Variants in MAP2 observed in about 807,000 individuals in gnomAD.
The protein encoded by MAP2 is microtubule-associated protein 2.
MAP2 carries 14 observed loss-of-function variants against 137.6 expected under a neutral mutation model. That is an observed-to-expected ratio of 0.10 (90% CI 0.07 to 0.16). The LOEUF is 0.16. MAP2 is among the 10% of genes least tolerant of loss of function. The pLI is 1.00. For missense variants in MAP2, 2,088 were observed against 2,191.5 expected, an observed-to-expected ratio of 0.95 and a Z score of 0.94; for synonymous variants, 786 against 782.3, an observed-to-expected ratio of 1.00 and a Z score of -0.08.
At chr2:209,475,969 C>G (rs1329841709) in intron 1 of MAP2, among the ~76,000 whole-genome samples, 1 of 152,046 alleles carries the variant, frequency 6.6e-6, no homozygotes, top group African/African-American at 2.4e-5. Flanking sequence ...TTCCATTTCT[C>G]TCTTTCAGAG....
At chr2:209,701,281 T>C (rs1033324537) in intron 11 of MAP2, among the ~76,000 whole-genome samples, 1 of 151,910 alleles carries the variant, frequency 6.6e-6, no homozygotes, top group Non-Finnish European at 1.5e-5. Context: ...CATATATTAT[T>C]ATTTTAAAAT....
At chr2:209,542,680 T>C (rs1423293657) in intron 2 of MAP2, among the ~76,000 whole-genome samples, 3 of 152,238 alleles carry the variant, frequency 2.0e-5, no homozygotes, top group African/African-American at 7.2e-5. Flanking sequence ...TTAACTTTTA[T>C]GTTATGAAGA....
chr2:209,589,338 A>G (rs2078628870), intron 3 of MAP2, among the ~76,000 whole-genome samples: 1 of 152,194 alleles, frequency 6.6e-6, no homozygotes, highest in African/African-American at 2.4e-5. Context: ...TACTCAAGTC[A>G]ATGCACTAGA....
At chr2:209,704,573 T>A in intron 11 of MAP2, 1 of 1,611,196 alleles carries the variant, frequency 6.2e-7, no homozygotes, top group Non-Finnish European at 8.5e-7. Flanking sequence ...ACAGCCCACC[T>A]CAGCAGGCTC....
At chr2:209,654,153 A>G (rs1191963393) in intron 5 of MAP2, among the ~76,000 whole-genome samples, 1 of 152,248 alleles carries the variant, frequency 6.6e-6, no homozygotes, top group Non-Finnish European at 1.5e-5. Flanking sequence ...ACAAGAATAC[A>G]ACAAGGTATT....
intron 1 of MAP2, among the ~76,000 whole-genome samples, chr2:209,435,972 TA>T (rs1559159303): frequency 7.9e-6 from 1 of 126,660 alleles, no homozygotes; most frequent in Non-Finnish European, 1.6e-5. Context: ...ATATTATATA[TA>T]ATATATACAG....
intron 8 of MAP2, 34 bp downstream of exon 8, chr2:209,696,384 A>G (rs2060188349): frequency 2.0e-6 from 3 of 1,522,500 alleles, no homozygotes; most frequent in South Asian, 2.7e-5. Flanking sequence ...TTTAACTCAA[A>G]CACAATAACC....
intron 13 of MAP2, chr2:209,723,617 T>C: frequency 6.2e-7 from 1 of 1,613,312 alleles, no homozygotes; most frequent in African/African-American, 1.3e-5. Flanking sequence ...AACAAGAAGA[T>C]CGATTTTAGC....
intron 2 of MAP2, among the ~76,000 whole-genome samples, chr2:209,555,115 A>G (rs113354208): frequency 0.02 from 2,989 of 152,100 alleles, 94 homozygotes; most frequent in African/African-American, 0.068. Context: ...CATACAGAAG[A>G]TAGCAAAAGG....
chr2:209,488,447 C>T (rs1198339643), intron 1 of MAP2, among the ~76,000 whole-genome samples: 1 of 152,128 alleles, frequency 6.6e-6, no homozygotes, highest in Non-Finnish European at 1.5e-5. Context: ...ACCATTCACT[C>T]CCCTGGAAAG....
chr2:209,498,116 G>A (rs1434284553), intron 1 of MAP2, among the ~76,000 whole-genome samples: 1 of 152,150 alleles, frequency 6.6e-6, no homozygotes, highest in Non-Finnish European at 1.5e-5. Flanking sequence ...ATACAATGGG[G>A]GTATAGGCAC....
At chr2:209,483,628 A>G (rs1315456677) in intron 1 of MAP2, among the ~76,000 whole-genome samples, 2 of 152,184 alleles carry the variant, frequency 1.3e-5, no homozygotes, top group African/African-American at 4.8e-5. Context: ...TCTTTATTGT[A>G]TTTTGTCGAT....
At chr2:209,438,188 G>A (rs1696831713) in intron 1 of MAP2, among the ~76,000 whole-genome samples, 1 of 151,390 alleles carries the variant, frequency 6.6e-6, no homozygotes, top group Non-Finnish European at 1.5e-5. Context: ...ATTTTCCCAT[G>A]GCAAAGAAAA....
intron 12 of MAP2, among the ~76,000 whole-genome samples, chr2:209,709,439 T>A (rs1312907731): frequency 2.0e-5 from 3 of 152,112 alleles, no homozygotes; most frequent in Non-Finnish European, 2.9e-5. Flanking sequence ...AAACTATGTG[T>A]CCTAAATACA....
intron 3 of MAP2, among the ~76,000 whole-genome samples, chr2:209,621,530 A>G (rs2153521608): frequency 6.6e-6 from 1 of 152,122 alleles, no homozygotes; most frequent in Admixed American, 6.6e-5. Flanking sequence ...AAGTGCTAGG[A>G]TTACAGGCAT....
chr2:209,701,326 T>C lies in MAP2; in HGVS notation c.4584+988T>C, dbSNP rs564572914. Among the ~76,000 whole-genome samples the C allele has an allele frequency of 4.6e-5, 7 of 152,024 alleles. No homozygotes were observed. The South Asian group carries it at 1.5e-3, about 32-fold the overall frequency. ...GTTGTATTAATGGTGTTTAACTTCTTCATATGTTTGTAAATCTTTTCTATT... is the reference window on the plus strand; with the variant it reads ...GTTGTATTAATGGTGTTTAACTTCTCCATATGTTTGTAAATCTTTTCTATT... On this transcript the variant is annotated intron_variant, in intron 11 of 15. Transcript: ENST00000682079.
chr2:209,708,247 G>A (rs1057513464), intron 12 of MAP2, among the ~76,000 whole-genome samples: 1 of 152,142 alleles, frequency 6.6e-6, no homozygotes, highest in Non-Finnish European at 1.5e-5. Flanking sequence ...GGATGTGGTT[G>A]TGTCATCCTA....
intron 1 of MAP2, among the ~76,000 whole-genome samples, chr2:209,498,671 A>C (rs1180107659): frequency 1.3e-5 from 2 of 152,218 alleles, no homozygotes; most frequent in Non-Finnish European, 2.9e-5. Flanking sequence ...CAGGCTTAAC[A>C]ACACATGGAG....
intron 1 of MAP2, among the ~76,000 whole-genome samples, chr2:209,454,460 C>T (rs1375609571): frequency 2.6e-5 from 4 of 151,962 alleles, no homozygotes; most frequent in East Asian, 3.9e-4. Flanking sequence ...CTCAGCCTCC[C>T]GAGTAGCTGG....
Sources: allele counts gnomAD v4.1 joint callset (sites outside exome capture counted in the v4.1 genomes callset), GRCh38; gene constraint gnomAD v4.1.1; transcripts MANE v1.5; gene names NCBI Gene and HGNC (gene_info 2026-07-23, HGNC 2026-07-21).